Variants in CD300A observed in about 807,000 individuals in gnomAD.
CD300A encodes CMRF35-like molecule 8.
In CD300A, 22 loss-of-function variants were observed where a neutral mutation model predicts 33.6. That is an observed-to-expected ratio of 0.66 (90% CI 0.47 to 0.94). CD300A has a LOEUF of 0.94. Ranked by LOEUF, CD300A falls within the 40% of genes least tolerant of loss-of-function variation. The pLI is 0.00. For synonymous variants in CD300A, 136 were observed against 148.1 expected, an observed-to-expected ratio of 0.92 and a Z score of 0.59; for missense variants, 326 against 360.5, an observed-to-expected ratio of 0.90 and a Z score of 0.77.
chr17:74,477,605 C>G, intron 4 of CD300A, 75 bp downstream of exon 4: 2 of 929,928 alleles, frequency 2.2e-6, no homozygotes, highest in South Asian at 2.8e-5. Context: ...ATCTTCAAAG[C>G]TATGTCCACG....
rs771295761 is a variant in CD300A at position 74,481,722 on chromosome 17, C to T, written c.667-4C>T. The T allele has an allele frequency of 1.2e-6, 2 of 1,603,502 alleles. No individual in the cohort carries two copies. Among genetic ancestry groups the T allele is most frequent in the Non-Finnish European group, 8.5e-7 (1 of 1,175,686 alleles). ...CACCCACCTGGGACCTCCTGCCCACCCAGGCTGCCACGCAGAGTGAGCTGC... is the reference window on the plus strand; with the variant it reads ...CACCCACCTGGGACCTCCTGCCCACTCAGGCTGCCACGCAGAGTGAGCTGC... On this transcript the variant is annotated splice_polypyrimidine_tract_variant and splice_region_variant and intron_variant, in intron 5 of 6. Transcript: ENST00000360141.
intron 6 of CD300A, among the ~76,000 whole-genome samples, chr17:74,482,693 C>CCTTCCTTCCTTCCTTCCTTCCCTT (rs1567985648): frequency 9.8e-6 from 1 of 102,196 alleles, no homozygotes; most frequent in Non-Finnish European, 1.7e-5. Flanking sequence ...TTCCTTCCTT[C>CCTTCCTTCCTTCCTTCCTTCCCTT]CTTCCTTTCT....
At chr17:74,481,976 A>G in intron 6 of CD300A, 143 bp downstream of exon 6, 1 of 607,562 alleles carries the variant, frequency 1.6e-6, no homozygotes, top group Non-Finnish European at 2.9e-6. Context: ...AGATGGAGCA[A>G]GTGTAGATTT....
chr17:74,467,660 C>G (rs1031860801), intron 1 of CD300A, among the ~76,000 whole-genome samples: 1 of 152,152 alleles, frequency 6.6e-6, no homozygotes, highest in African/African-American at 2.4e-5. Flanking sequence ...CCTTACAGAT[C>G]GGAGGTTTTC....
upstream of CD300A, chr17:74,466,523 G>A (rs566938045): frequency 1.0e-5 from 7 of 667,432 alleles, no homozygotes; most frequent in African/African-American, 1.3e-4. Context: ...GTCTTAGTCG[G>A]GGCTCACCAG....
Position 74,473,776 on chromosome 17 carries a change from C to A in CD300A, c.281C>A (p.Thr94Lys). The A allele has an allele frequency of 4.3e-6, 7 of 1,614,234 alleles. No individual in the cohort carries two copies. Among genetic ancestry groups the A allele is most frequent in the Non-Finnish European group, 5.9e-6 (7 of 1,180,042 alleles). Reference sequence around the variant, plus strand: ...TTCACAGTGACCCTGGAGAATCTCACAGAGGAGGATGCAGGCACCTACTGG... The same window carrying A: ...TTCACAGTGACCCTGGAGAATCTCAAAGAGGAGGATGCAGGCACCTACTGG... ...LSFTVTLENL[T>K]EEDAGTYWCG... The change falls in exon 2 of 7, where the codon ACA (threonine) becomes AAA (lysine). Residue 94 changes from threonine to lysine, a missense_variant. By Grantham distance (78) the Thr-to-Lys change is moderately conservative. Transcript: ENST00000360141.
At position 74,466,707 on chromosome 17, in the gene CD300A, T is replaced by A; in HGVS notation, c.4T>A (p.Trp2Arg). Residue 2 changes from tryptophan (W) to arginine (R), a missense_variant, in exon 1 of 7, where the codon TGG becomes AGG. Coordinates refer to ENST00000360141, the MANE Select transcript of CD300A (RefSeq NM_007261.4). The part of the protein sequence containing the change: M[W>R]LPWALLLLWV... ...CGCCTGTGCTGGGGAAGGGACCATGTGGCTGCCTTGGGCTCTGTTGCTTCT... is the reference window on the plus strand; with the variant it reads ...CGCCTGTGCTGGGGAAGGGACCATGAGGCTGCCTTGGGCTCTGTTGCTTCT... 1 of 1,596,554 alleles carries A rather than the reference T, an allele frequency of 6.3e-7. No homozygotes were observed. The highest frequency in any genetic ancestry group is 8.5e-7 in the Non-Finnish European group (1 of 1,171,224).
intron 4 of CD300A, 65 bp downstream of exon 4, chr17:74,477,595 A>T: frequency 9.6e-7 from 1 of 1,038,308 alleles, no homozygotes; most frequent in Non-Finnish European, 1.5e-6. Flanking sequence ...ACAGACGCTC[A>T]TCTTCAAAGC....
At position 74,484,626 on chromosome 17, in the gene CD300A, T is replaced by C. The variant is rs1907132470; in HGVS notation, c.*500T>C. On this transcript the variant is annotated 3_prime_UTR_variant, in exon 7 of 7. Coordinates refer to ENST00000360141, the MANE Select transcript of CD300A (RefSeq NM_007261.4). ...CCCACTAAAGATCAAGATCAAAGAT[T>C]CTCCCCATCTCACAGACAAGGAAAC... 1 of 152,176 alleles carries C rather than the reference T, an allele frequency of 6.6e-6. No individual in the cohort carries two copies. Among genetic ancestry groups the C allele is most frequent in the Admixed American group, 6.6e-5 (1 of 15,260 alleles). The allele number at this position is 152,176 out of a possible 1,614,324, so 9.4% of individuals were successfully genotyped here.
chr17:74,469,458 G>T (rs1005768409), intron 1 of CD300A, among the ~76,000 whole-genome samples: 1 of 152,014 alleles, frequency 6.6e-6, no homozygotes, highest in African/African-American at 2.4e-5. Flanking sequence ...TATTTGCAGA[G>T]ATTTGCAAAT....
At chr17:74,473,484 C>T (rs558068182) in intron 1 of CD300A, 52 bp from the exon 2 acceptor site, 2 of 1,558,658 alleles carry the variant, frequency 1.3e-6, no homozygotes, top group African/African-American at 1.4e-5. Context: ...CCAGGGCACC[C>T]CTGACCAGGC....
Position 74,469,959 on chromosome 17 carries a change from A to AC in CD300A, c.40+3218dup, listed in dbSNP as rs910582331. On this transcript the variant is annotated intron_variant, in intron 1 of 6. Transcript: ENST00000360141. ...TGAATTCACCAGTTCGTGAAAGATG[A>AC]CCTGGTTCTTTCTGTGTTGTGTGTG... 6 of 985,300 alleles carry AC rather than the reference A, an allele frequency of 6.1e-6. No homozygotes were observed. The African/African-American group carries it at 1.0e-4, about 17-fold the overall frequency. 61.0% of individuals were successfully genotyped at this position (985,300 alleles called of 1,614,324 possible). A position where few individuals can be genotyped will look rare whatever the true frequency, so the allele number is the denominator to read the frequency against.
At chr17:74,481,889 C>A in intron 6 of CD300A, 56 bp downstream of exon 6, 5 of 1,363,466 alleles carry the variant, frequency 3.7e-6, no homozygotes, top group African/African-American at 1.7e-5. Context: ...GCCAGGGCAC[C>A]CCTGGGAGGG....
intron 1 of CD300A, among the ~76,000 whole-genome samples, chr17:74,472,086 C>T (rs1282546003): frequency 6.6e-6 from 1 of 151,810 alleles, no homozygotes; most frequent in East Asian, 1.9e-4. Context: ...ACTAAAAACA[C>T]AAAAATTATC....
In CD300A at chr17:74,480,855, C is replaced by G. The variant is rs757111688; in HGVS notation, c.629-434C>G. ...CTCCGTCTCCCAGGTTCAAGCGATT[C>G]TCCTGTCTCAGCCTCCCAAGTAGCT... On this transcript the variant is annotated intron_variant, in intron 4 of 6. Coordinates refer to ENST00000360141, the MANE Select transcript of CD300A (RefSeq NM_007261.4). This position sits in a 1 kb window ranked among gnomAD's most constrained non-coding sequence, Gnocchi z 4.2. 7.2e-5 allele frequency among the ~76,000 whole-genome samples: 11 copies of G among 152,172 alleles called. No homozygotes were observed. The highest frequency in any genetic ancestry group is 1.6e-4 in the Non-Finnish European group (11 of 68,030).
intron 1 of CD300A, among the ~76,000 whole-genome samples, chr17:74,473,113 T>G (rs1598449849): frequency 6.7e-6 from 1 of 149,096 alleles, no homozygotes; most frequent in Non-Finnish European, 1.5e-5. Context: ...GTGAGAGGGG[T>G]GGGAAGGGTA....
rs1906736383 is a variant in CD300A at position 74,480,101 on chromosome 17, T to G, written c.629-1188T>G. Reference sequence around the variant, plus strand: ...TTCCCATCAGAACACTTGTCCCAGGTGGGGACAGGGAGGGCAGTGTGGTGC... The same window carrying G: ...TTCCCATCAGAACACTTGTCCCAGGGGGGGACAGGGAGGGCAGTGTGGTGC... On this transcript the variant is annotated intron_variant, in intron 4 of 6. Transcript: ENST00000360141. This position sits in a 1 kb window ranked among gnomAD's most constrained non-coding sequence, Gnocchi z 4.2. Among the ~76,000 whole-genome samples the G allele has an allele frequency of 6.6e-6, 1 of 152,090 alleles. No individual in the cohort carries two copies. The highest frequency in any genetic ancestry group is 2.4e-5 in the African/African-American group (1 of 41,388).
intron 1 of CD300A, among the ~76,000 whole-genome samples, chr17:74,467,154 T>C (rs1300026261): frequency 8.6e-5 from 7 of 81,486 alleles, no homozygotes; most frequent in Non-Finnish European, 1.5e-4. Context: ...GTGCAGGGTA[T>C]GGAGGAGGGG....
At chr17:74,468,486 C>T (rs2144499022) in intron 1 of CD300A, among the ~76,000 whole-genome samples, 2 of 151,944 alleles carry the variant, frequency 1.3e-5, no homozygotes, top group Middle Eastern at 6.8e-3. Flanking sequence ...GTGTGTGCCA[C>T]CACACCCAGC....
Sources: allele counts gnomAD v4.1 joint callset (sites outside exome capture counted in the v4.1 genomes callset), GRCh38; gene constraint gnomAD v4.1.1; non-coding constraint Gnocchi (gnomAD v3.1); transcripts MANE v1.5; gene names NCBI Gene and HGNC (gene_info 2026-07-23, HGNC 2026-07-21).